FREM1: variants seen among roughly 807,000 people sequenced by gnomAD.
FREM1 encodes the protein FRAS1-related extracellular matrix protein 1.
A neutral mutation model predicts 210.1 loss-of-function variants in FREM1; 220 were observed. The ratio of observed to expected loss-of-function variants is 1.05; its 90% CI spans 0.94 to 1.17. The LOEUF is 1.17. Ranked by LOEUF, FREM1 falls within the 50% of genes most tolerant of loss-of-function variation. FREM1 has a pLI of 0.00. For synonymous variants in FREM1, 1,189 were observed against 980.2 expected (o/e 1.21, Z -3.98); for missense variants, 3,454 against 2,675.5 (o/e 1.29, Z -6.42).
At chr9:14,797,779 C>A in intron 20 of FREM1, 137 bp from the exon 21 acceptor site, 1 of 589,642 alleles carries the variant, frequency 1.7e-6, no homozygotes, top group Non-Finnish European at 2.8e-6. Flanking sequence ...TGAAATTAAA[C>A]TTGTTTTATG....
At chr9:14,761,473 CTT>C (rs910509964) in intron 27 of FREM1, among the ~76,000 whole-genome samples, 3 of 152,178 alleles carry the variant, frequency 2.0e-5, no homozygotes, top group African/African-American at 7.2e-5. Context: ...AAATTGGAAA[CTT>C]TATGGGTCTC....
In FREM1 at chr9:14,747,277, TGTGA is replaced by T; in HGVS notation, c.5992_5995del (p.Ser1998ThrfsTer19). On this transcript the variant is annotated frameshift_variant, in exon 33 of 37. Transcript: ENST00000380880. LOFTEE classifies it high-confidence loss of function. ...AGATTTTCATACCTGTCTGGGGAAG[TGTGA>T]GTCAGTTGTGGATTCCACCTTATCT... is the stretch of plus-strand genomic sequence containing the variant. 1 of 1,612,374 alleles carries T rather than the reference TGTGA, an allele frequency of 6.2e-7. No homozygotes were observed. The highest frequency in any genetic ancestry group is 8.5e-7 in the Non-Finnish European group (1 of 1,179,164).
At chr9:14,796,718 T>A (rs1852463022) in intron 21 of FREM1, among the ~76,000 whole-genome samples, 1 of 152,202 alleles carries the variant, frequency 6.6e-6, no homozygotes, top group Non-Finnish European at 1.5e-5. Flanking sequence ...TACTGGGCAC[T>A]TGTTTTTCTC....
intron 27 of FREM1, among the ~76,000 whole-genome samples, chr9:14,767,948 T>A (rs1846745422): frequency 6.6e-6 from 1 of 152,152 alleles, no homozygotes; most frequent in Admixed American, 6.6e-5. Context: ...CACATGAAAG[T>A]TAATAGCCAA....
intron 3 of FREM1, among the ~76,000 whole-genome samples, chr9:14,861,287 A>ACATG (rs1491508129): frequency 2.5e-5 from 2 of 79,914 alleles, no homozygotes; most frequent in African/African-American, 6.3e-5. Flanking sequence ...ACATATATAC[A>ACATG]TATATACATA....
chr9:14,841,217 C>T (rs991776552), intron 10 of FREM1, among the ~76,000 whole-genome samples: 1 of 152,024 alleles, frequency 6.6e-6, no homozygotes, highest in African/African-American at 2.4e-5. Flanking sequence ...TAAAAGGGTC[C>T]CATAGTTAAA....
chr9:14,804,357 G>A (rs192981112), intron 19 of FREM1, among the ~76,000 whole-genome samples: 29 of 152,234 alleles, frequency 1.9e-4, no homozygotes, highest in African/African-American at 7.0e-4. Flanking sequence ...AGGCCGAGGC[G>A]GGCGGATCAC....
intron 12 of FREM1, 37 bp downstream of exon 12, chr9:14,823,988 G>C (rs980757169): frequency 7.5e-7 from 1 of 1,325,058 alleles, no homozygotes; most frequent in African/African-American, 1.4e-5. Flanking sequence ...GGGCACACTT[G>C]CATCATGTTT....
intron 29 of FREM1, among the ~76,000 whole-genome samples, chr9:14,753,968 C>T (rs1843826484): frequency 6.6e-6 from 1 of 152,118 alleles, no homozygotes; most frequent in Admixed American, 6.6e-5. Context: ...AGTATCTACT[C>T]AAAACAGCAT....
chr9:14,890,141 T>C (rs943522631), intron 1 of FREM1, among the ~76,000 whole-genome samples: 3 of 152,384 alleles, frequency 2.0e-5, no homozygotes, highest in East Asian at 1.9e-4. Flanking sequence ...TTCCACCACA[T>C]GCCACTTCTC....
chr9:14,760,753 A>G (rs1845341188), intron 27 of FREM1, among the ~76,000 whole-genome samples: 1 of 152,066 alleles, frequency 6.6e-6, no homozygotes, highest in African/African-American at 2.4e-5. Context: ...AACCTCTACC[A>G]TTTCTCTCCC....
At chr9:14,782,732 T>A (rs1587942599) in intron 24 of FREM1, among the ~76,000 whole-genome samples, 1 of 152,228 alleles carries the variant, frequency 6.6e-6, no homozygotes, top group Admixed American at 6.5e-5. Context: ...GTAAGAGTAG[T>A]AGCTAACACT....
At chr9:14,866,900 C>T (rs1831622594) in intron 2 of FREM1, among the ~76,000 whole-genome samples, 1 of 151,946 alleles carries the variant, frequency 6.6e-6, no homozygotes, top group African/African-American at 2.4e-5. Context: ...CACACTATCA[C>T]CCAGGCTGGA....
chr9:14,753,596 T>C (rs898325923), intron 29 of FREM1, among the ~76,000 whole-genome samples: 1 of 152,186 alleles, frequency 6.6e-6, no homozygotes, highest in Admixed American at 6.5e-5. Flanking sequence ...CCTTACGGCA[T>C]CCCACTGTCT....
At chr9:14,854,568 T>G (rs1219266635) in intron 5 of FREM1, among the ~76,000 whole-genome samples, 2 of 152,072 alleles carry the variant, frequency 1.3e-5, no homozygotes, top group Non-Finnish European at 2.9e-5. Flanking sequence ...AATATTGTTC[T>G]TCTCAAACCA....
At chr9:14,800,276 C>T (rs1853284611) in intron 20 of FREM1, among the ~76,000 whole-genome samples, 1 of 152,072 alleles carries the variant, frequency 6.6e-6, no homozygotes, top group Admixed American at 6.6e-5. Flanking sequence ...GTTCTGAAGG[C>T]ACAGCCTTGG....
rs141641885 is a variant in FREM1 at position 14,770,264 on chromosome 9, T to C, written c.5059+341A>G. 1.2e-3 allele frequency among the ~76,000 whole-genome samples: 178 copies of C among 152,260 alleles called. 1 individual carries two copies. Among genetic ancestry groups the C allele is most frequent in the African/African-American group, 4.1e-3 (170 of 41,554 alleles). ...ACTTTTAAAAAAAGATCTGACATCA[T>C]TTAGAGTCATTTAGAATTCATGACA... On this transcript the variant is annotated intron_variant, in intron 26 of 36. Coordinates refer to ENST00000380880, the MANE Select transcript of FREM1 (RefSeq NM_001379081.2).
At chr9:14,784,344 G>A in intron 24 of FREM1, 26 bp downstream of exon 24, 1 of 1,602,754 alleles carries the variant, frequency 6.2e-7, no homozygotes, top group Non-Finnish European at 8.5e-7. Flanking sequence ...CAAAGAAGGG[G>A]TTTGAAAAGT....
chr9:14,785,588 T>G (rs2132887825), intron 23 of FREM1, among the ~76,000 whole-genome samples: 1 of 152,330 alleles, frequency 6.6e-6, no homozygotes, highest in East Asian at 1.9e-4. Flanking sequence ...ATACATACAC[T>G]GTAATACCAT....
Sources: allele counts gnomAD v4.1 joint callset (sites outside exome capture counted in the v4.1 genomes callset), GRCh38; gene constraint gnomAD v4.1.1; transcripts MANE v1.5; gene names NCBI Gene and HGNC (gene_info 2026-07-23, HGNC 2026-07-21).